CTNNA3: variants seen among roughly 807,000 people sequenced by gnomAD.
CTNNA3 encodes the protein catenin alpha-3.
CTNNA3 carries 76 observed loss-of-function variants against 95.7 expected under a neutral mutation model. That is an observed-to-expected ratio of 0.79 (90% CI 0.66 to 0.96). The LOEUF (loss-of-function observed/expected upper bound fraction) is 0.96, where lower values mean the gene tolerates loss of function less well. Among genes scored for constraint, CTNNA3 ranks in the 40% least tolerant of loss-of-function variants. The pLI is 0.00. For synonymous variants in CTNNA3, 431 were observed against 374.4 expected (o/e 1.15, Z -1.74); for missense variants, 1,191 against 1,089.8 (o/e 1.09, Z -1.31).
intron 7 of CTNNA3, among the ~76,000 whole-genome samples, chr10:66,921,632 G>A (rs1383016573): frequency 6.6e-6 from 1 of 152,116 alleles, no homozygotes; most frequent in Non-Finnish European, 1.5e-5. Flanking sequence ...AGTCTCACAA[G>A]CTCATATCCT....
chr10:66,669,520 T>TTG (rs1405423638), intron 9 of CTNNA3, among the ~76,000 whole-genome samples: 4 of 151,940 alleles, frequency 2.6e-5, no homozygotes, highest in Non-Finnish European at 4.4e-5. Context: ...CCAGCCTGGG[T>TTG]GACAGAGCGA....
chr10:67,328,035 A>G (rs1008982194), intron 5 of CTNNA3, among the ~76,000 whole-genome samples: 3 of 152,114 alleles, frequency 2.0e-5, no homozygotes, highest in African/African-American at 7.2e-5. Flanking sequence ...CTCTGTGCCC[A>G]CCAAGACTCT....
chr10:67,079,506 G>T (rs1411158532), intron 7 of CTNNA3, among the ~76,000 whole-genome samples: 2 of 152,142 alleles, frequency 1.3e-5, no homozygotes, highest in African/African-American at 4.8e-5. Context: ...AAAAGGCAAA[G>T]TATTACAATT....
Position 67,692,736 on chromosome 10 carries a change from T to TAAAAAAAA in CTNNA3, c.-6+3256_-6+3263dup, listed in dbSNP as rs200961420. ...GCGAGAAACACCCAAGAATGATCAATAAAAAAAAAAAAAAAAAAAAAAGTC... is the reference window on the plus strand; with the variant it reads ...GCGAGAAACACCCAAGAATGATCAATAAAAAAAAAAAAAAAAAAAAAAAAAAAAAAGTC... On this transcript the variant is annotated intron_variant, in intron 1 of 17. Coordinates refer to ENST00000433211, the MANE Select transcript of CTNNA3 (RefSeq NM_013266.4). Among the ~76,000 whole-genome samples the TAAAAAAAA allele has an allele frequency of 1.9e-3, 150 of 80,720 alleles. 3 individuals carry two copies. Among genetic ancestry groups the TAAAAAAAA allele is most frequent in the African/African-American group, 6.3e-3 (136 of 21,476 alleles). 53.0% of individuals were successfully genotyped at this position (80,720 alleles called of 152,430 possible). A position where few individuals can be genotyped will look rare whatever the true frequency, so the allele number is the denominator to read the frequency against.
intron 9 of CTNNA3, among the ~76,000 whole-genome samples, chr10:66,727,522 A>T (rs1177865676): frequency 6.6e-6 from 1 of 152,128 alleles, no homozygotes; most frequent in African/African-American, 2.4e-5. Flanking sequence ...ATACTATGAT[A>T]ATGATCATAT....
At chr10:67,680,003 C>A (rs574437346) in intron 1 of CTNNA3, among the ~76,000 whole-genome samples, 3 of 152,292 alleles carry the variant, frequency 2.0e-5, no homozygotes, top group South Asian at 2.1e-4. Flanking sequence ...GTCATATATT[C>A]TTTCATTGGT....
intron 5 of CTNNA3, among the ~76,000 whole-genome samples, chr10:67,221,308 A>C (rs1864639835): frequency 6.6e-6 from 1 of 152,222 alleles, no homozygotes; most frequent in African/African-American, 2.4e-5. Context: ...ATAAAAGCTT[A>C]AGTTAAAAAA....
chr10:66,535,746 T>C (rs903142739), intron 10 of CTNNA3, among the ~76,000 whole-genome samples: 3 of 152,110 alleles, frequency 2.0e-5, no homozygotes, highest in East Asian at 1.9e-4. Context: ...TATTTCTCCA[T>C]AGTCAGCTGA....
chr10:66,414,024 A>C (rs12268226), intron 11 of CTNNA3, among the ~76,000 whole-genome samples: 1 of 152,156 alleles, frequency 6.6e-6, no homozygotes, highest in Non-Finnish European at 1.5e-5. Flanking sequence ...TTCCTTACAG[A>C]TATATCTTTT....
intron 7 of CTNNA3, among the ~76,000 whole-genome samples, chr10:67,108,355 G>A (rs1858760783): frequency 6.6e-6 from 1 of 152,036 alleles, no homozygotes; most frequent in East Asian, 1.9e-4. Context: ...TTAAGTTACA[G>A]TTACCTCTGT....
At position 67,632,165 on chromosome 10, in the gene CTNNA3, C is replaced by G. The variant is rs997230410; in HGVS notation, c.99+15250G>C. Among the ~76,000 whole-genome samples, 3 of 147,902 alleles carry G rather than the reference C, an allele frequency of 2.0e-5. No homozygotes were observed. The Admixed American group carries it at 2.0e-4, about 10-fold the overall frequency. On this transcript the variant is annotated intron_variant, in intron 2 of 17. Coordinates refer to ENST00000433211, the MANE Select transcript of CTNNA3 (RefSeq NM_013266.4). Reference sequence around the variant, plus strand: ...ACACACACACACACACACACACACACAGTGGTAACTATGGGTAGAGATGGA... The same window carrying G: ...ACACACACACACACACACACACACAGAGTGGTAACTATGGGTAGAGATGGA...
intron 1 of CTNNA3, among the ~76,000 whole-genome samples, chr10:67,717,379 C>T (rs1233032044): frequency 2.0e-5 from 3 of 152,092 alleles, no homozygotes; most frequent in East Asian, 1.9e-4. Flanking sequence ...GTTTTAGTCA[C>T]GAAGACTTTG....
At chr10:67,337,777 T>G (rs1004777783) in intron 5 of CTNNA3, among the ~76,000 whole-genome samples, 3 of 152,194 alleles carry the variant, frequency 2.0e-5, no homozygotes, top group African/African-American at 7.2e-5. Flanking sequence ...AAGATCATGA[T>G]CCACTGAAGG....
intron 12 of CTNNA3, among the ~76,000 whole-genome samples, chr10:66,332,486 A>T (rs2092343097): frequency 6.6e-6 from 1 of 151,986 alleles, no homozygotes; most frequent in South Asian, 2.1e-4. Context: ...TGAGATAATC[A>T]TGTGGTTTTT....
At chr10:67,522,040 C>A (rs185051739) in intron 4 of CTNNA3, 79 bp from the exon 5 acceptor site, 3 of 1,393,086 alleles carry the variant, frequency 2.2e-6, no homozygotes, top group South Asian at 2.7e-5. Flanking sequence ...CACGAAGAGT[C>A]GATAATGAGC....
intron 11 of CTNNA3, among the ~76,000 whole-genome samples, chr10:66,490,786 A>G (rs566660448): frequency 2.0e-5 from 3 of 152,312 alleles, no homozygotes; most frequent in Admixed American, 2.0e-4. Flanking sequence ...CCTGGCCTCT[A>G]TGCATGAGGA....
intron 5 of CTNNA3, among the ~76,000 whole-genome samples, chr10:67,445,744 C>G (rs1846721419): frequency 6.6e-6 from 1 of 152,150 alleles, no homozygotes; most frequent in South Asian, 2.1e-4. Context: ...TGAATAATAA[C>G]AGGATCATCA....
chr10:67,677,711 A>G (rs1840559842), intron 1 of CTNNA3, among the ~76,000 whole-genome samples: 1 of 152,160 alleles, frequency 6.6e-6, no homozygotes, highest in Non-Finnish European at 1.5e-5. Flanking sequence ...AGTCGCAGAA[A>G]TGCAGCACAG....
At chr10:66,516,217 G>A (rs1436786675) in intron 11 of CTNNA3, among the ~76,000 whole-genome samples, 2 of 152,000 alleles carry the variant, frequency 1.3e-5, no homozygotes, top group Non-Finnish European at 2.9e-5. Flanking sequence ...ATAATCTGTG[G>A]GAGCAGATGT....
Sources: gnomAD v4.1 joint callset for allele counts (sites outside exome capture counted in the v4.1 genomes callset) on GRCh38, gnomAD v4.1.1 for gene constraint, MANE v1.5 for transcripts, NCBI Gene and HGNC (gene_info 2026-07-23, HGNC 2026-07-21) for gene names.